The following RTN4 variants were observed in gnomAD, a reference collection of about 807,000 sequenced individuals.
RTN4 encodes the protein reticulon-4.
A neutral mutation model predicts 90.4 loss-of-function variants in RTN4; 32 were observed. The ratio of observed to expected loss-of-function variants is 0.35; its 90% CI spans 0.27 to 0.48. The LOEUF is 0.48. Ranked by LOEUF, RTN4 falls within the 20% of genes least tolerant of loss-of-function variation. The pLI is 0.99. For missense variants in RTN4, 1,706 were observed against 1,430.2 expected (o/e 1.19, Z -3.11); for synonymous variants, 629 against 552.5 (o/e 1.14, Z -1.94).
At chr2:55,053,965 T>C (rs1668146146), upstream of RTN4, among the ~76,000 whole-genome samples, 1 of 152,116 alleles carries the variant, frequency 6.6e-6, no homozygotes, top group Admixed American at 6.5e-5. Context: ...CTCAGAAGAC[T>C]GGAGAGAAGG....
upstream of RTN4, among the ~76,000 whole-genome samples, chr2:55,113,183 G>C (rs902169176): frequency 6.6e-6 from 1 of 152,210 alleles, no homozygotes; most frequent in Non-Finnish European, 1.5e-5. Flanking sequence ...ACCACCAAAA[G>C]AAGCCCTCTC....
At chr2:55,063,753 C>T (rs1256847233) in intron 2 of RTN4, among the ~76,000 whole-genome samples, 1 of 151,736 alleles carries the variant, frequency 6.6e-6, no homozygotes, top group Non-Finnish European at 1.5e-5. Flanking sequence ...TGGTGGTGGG[C>T]GCCTGTAGTC....
chr2:55,053,831 T>C (rs7559248), upstream of RTN4, among the ~76,000 whole-genome samples: 140,175 of 152,276 alleles, frequency 0.92, 64,682 homozygotes, highest in Middle Eastern at 0.99. Context: ...CATAGAATCT[T>C]AGGGTTGGGA....
chr2:55,026,606 T>C lies in RTN4; in HGVS notation c.1493A>G (p.Glu498Gly). 2 of 1,612,222 alleles carry C rather than the reference T, an allele frequency of 1.2e-6. No homozygotes were observed. The highest frequency in any genetic ancestry group is 1.7e-6 in the Non-Finnish European group (2 of 1,179,752). Residue 498 changes from glutamate (E) to glycine (G), a missense_variant, in exon 3 of 9, where the codon GAA becomes GGA. By Grantham distance (98) the Glu-to-Gly change is moderately conservative (BLOSUM62 -2). Coordinates refer to ENST00000337526, the MANE Select transcript of RTN4 (RefSeq NM_020532.5). ...SENKTDEKKI[E>G]EKKAQIVTEK... ...TGTTACTATTTGGGCCTTCTTTTCT[T>C]CTATTTTTTTTTCATCGGTCTTATT...
Position 55,050,320 on chromosome 2 carries a change from T to TGCTGCAGCTGCTGCC in RTN4, c.-35_-21dup. The TGCTGCAGCTGCTGCC allele has an allele frequency of 7.3e-7, 1 of 1,367,224 alleles. No homozygotes were observed. Among genetic ancestry groups the TGCTGCAGCTGCTGCC allele is most frequent in the Non-Finnish European group, 9.5e-7 (1 of 1,054,792 alleles). 84.7% of individuals were successfully genotyped at this position (1,367,224 alleles called of 1,614,324 possible). On this transcript the variant is annotated 5_prime_UTR_variant, in exon 1 of 9. Transcript: ENST00000337526. The surrounding 1 kb of genome is among the most constrained non-coding windows in gnomAD (Gnocchi z 4.6). The stretch of plus-strand genomic sequence containing the variant: ...TTCCATGGCTGGAGGGTGGAGATGA[T>TGCTGCAGCTGCTGCC]GCTGCAGCTGCTGCCGCCGCCGCCG...
At chr2:55,006,194 T>C (rs1211368877) in intron 3 of RTN4, among the ~76,000 whole-genome samples, 2 of 152,198 alleles carry the variant, frequency 1.3e-5, no homozygotes, top group Non-Finnish European at 2.9e-5. Flanking sequence ...TTTACTCTTC[T>C]ACTTACCTTC....
At chr2:55,100,885 T>G (rs1173736037) in intron 1 of RTN4, among the ~76,000 whole-genome samples, 2 of 151,770 alleles carry the variant, frequency 1.3e-5, no homozygotes, top group Non-Finnish European at 2.9e-5. Flanking sequence ...AGCATTTTTT[T>G]TTTTTACTCT....
chr2:55,115,143 G>C (rs1425502968), upstream of RTN4, among the ~76,000 whole-genome samples: 3 of 152,138 alleles, frequency 2.0e-5, no homozygotes, highest in Non-Finnish European at 4.4e-5. Context: ...CAAATTAGTG[G>C]CTTAAAACAA....
intron 3 of RTN4, among the ~76,000 whole-genome samples, chr2:54,991,046 T>A (rs913739109): frequency 3.3e-5 from 5 of 152,066 alleles, no homozygotes; most frequent in African/African-American, 1.2e-4. Flanking sequence ...CCTCTCAAAG[T>A]GCTGGGATTA....
At chr2:54,978,134 T>C (rs751847551) in intron 5 of RTN4, among the ~76,000 whole-genome samples, 1 of 152,068 alleles carries the variant, frequency 6.6e-6, no homozygotes, top group Non-Finnish European at 1.5e-5. Context: ...CACATGGAAA[T>C]AGTCATAATT....
chr2:55,082,511 G>A (rs530384861), intron 1 of RTN4, among the ~76,000 whole-genome samples: 1 of 152,300 alleles, frequency 6.6e-6, no homozygotes, highest in Admixed American at 6.5e-5. Flanking sequence ...TGGCCAGGTA[G>A]AGACCAATCT....
chr2:55,049,184 C>A (rs200323134), intron 1 of RTN4: 4 of 986,350 alleles, frequency 4.1e-6, no homozygotes, highest in Middle Eastern at 5.1e-4. Flanking sequence ...CAGCTCCCCA[C>A]GAGCACAGGA....
the RTN4 span, among the ~76,000 whole-genome samples, chr2:55,120,689 A>AAGCC: frequency 6.6e-6 from 1 of 152,148 alleles, no homozygotes; most frequent in East Asian, 1.9e-4. Flanking sequence ...TCAAGCTCTG[A>AAGCC]CTGAGAATAT....
intron 2 of RTN4, among the ~76,000 whole-genome samples, chr2:55,077,792 C>CACAG (rs1668630695): frequency 6.8e-6 from 1 of 146,406 alleles, no homozygotes; most frequent in African/African-American, 2.5e-5. Flanking sequence ...CACACACACA[C>CACAG]AGACACACCA....
At chr2:54,980,583 T>G (rs528587511) in intron 5 of RTN4, among the ~76,000 whole-genome samples, 2 of 152,328 alleles carry the variant, frequency 1.3e-5, no homozygotes, top group Admixed American at 6.5e-5. Context: ...ACATCGAGGA[T>G]GACTTTTGGT....
Position 55,025,132 on chromosome 2 carries a change from G to C in RTN4, c.2967C>G (p.Asp989Glu), listed in dbSNP as rs759190599. The C allele has an allele frequency of 6.2e-7, 1 of 1,613,334 alleles. No homozygotes were observed. The highest frequency in any genetic ancestry group is 1.1e-5 in the South Asian group (1 of 90,998). ...KKLPSDTEKE[D>E]RSPSAIFSAE... ...CTGAAAATATAGCAGATGGTGATCT[G>C]TCCTCTTTTTCTGTATCGGAAGGAA... Residue 989 changes from aspartate to glutamate, a missense_variant, in exon 3 of 9, where the codon GAC becomes GAG. Asp to Glu is a conservative substitution (Grantham distance 45). Coordinates refer to ENST00000337526, the MANE Select transcript of RTN4 (RefSeq NM_020532.5).
intron 2 of RTN4, among the ~76,000 whole-genome samples, chr2:55,057,684 T>G (rs1215249697): frequency 6.6e-6 from 1 of 152,156 alleles, no homozygotes; most frequent in Non-Finnish European, 1.5e-5. Context: ...GAAAAGAGGA[T>G]GGGTACTAAG....
intron 1 of RTN4, among the ~76,000 whole-genome samples, chr2:55,031,695 C>A (rs1029958315): frequency 6.6e-6 from 1 of 152,226 alleles, no homozygotes; most frequent in Non-Finnish European, 1.5e-5. Flanking sequence ...AGTCAGCAAA[C>A]CATGGCTCAT....
upstream of RTN4, chr2:55,050,896 C>T (rs1668072555): frequency 6.6e-6 from 1 of 152,086 alleles, no homozygotes; most frequent in Admixed American, 6.6e-5. This position sits in a 1 kb window ranked among gnomAD's most constrained non-coding sequence, Gnocchi z 4.6. Flanking sequence ...TCTGGCGCGC[C>T]ACCGGAAGGG....
Sources: gnomAD v4.1 joint callset for allele counts (sites outside exome capture counted in the v4.1 genomes callset) on GRCh38, gnomAD v4.1.1 for gene constraint, Gnocchi (gnomAD v3.1) non-coding constraint, MANE v1.5 for transcripts, NCBI Gene and HGNC (gene_info 2026-07-23, HGNC 2026-07-21) for gene names.